Variants in LOXL2 observed in about 807,000 individuals in gnomAD.
LOXL2 encodes lysyl oxidase homolog 2.
LOXL2 carries 70 observed loss-of-function variants against 93.0 expected under a neutral mutation model. The observed-to-expected ratio is 0.75, with a 90% CI of 0.62 to 0.92. The LOEUF (loss-of-function observed/expected upper bound fraction) is 0.92, where lower values mean the gene tolerates loss of function less well. Ranked by LOEUF, LOXL2 falls within the 40% of genes least tolerant of loss-of-function variation. The pLI is 0.00. For missense variants in LOXL2, 973 were observed against 1,054.9 expected (o/e 0.92, Z 1.08); for synonymous variants, 438 against 413.2 (o/e 1.06, Z -0.73).
chr8:23,330,768 C>T (rs1054249971), intron 5 of LOXL2, among the ~76,000 whole-genome samples: 1 of 150,322 alleles, frequency 6.7e-6, no homozygotes. Flanking sequence ...AAGGATGTGG[C>T]CATCAAATCA....
chr8:23,310,658 A>C (rs555216113), intron 9 of LOXL2, among the ~76,000 whole-genome samples: 77 of 152,360 alleles, frequency 5.1e-4, no homozygotes, highest in Non-Finnish European at 1.1e-3. Flanking sequence ...TGTAAGTGAA[A>C]GTGCTAGGAG....
chr8:23,371,383 G>C (rs1804489854), intron 1 of LOXL2, among the ~76,000 whole-genome samples: 1 of 152,198 alleles, frequency 6.6e-6, no homozygotes, highest in Non-Finnish European at 1.5e-5. Flanking sequence ...AATGATGTAG[G>C]TAAATCTCAA....
intron 4 of LOXL2, among the ~76,000 whole-genome samples, chr8:23,334,491 A>G (rs1803758293): frequency 6.6e-6 from 1 of 152,346 alleles, no homozygotes; most frequent in Middle Eastern, 3.4e-3. Context: ...TCAAAGTACA[A>G]TCTGCCTAGC....
At chr8:23,332,263 C>A (rs1195106391) in intron 5 of LOXL2, among the ~76,000 whole-genome samples, 1 of 67,462 alleles carries the variant, frequency 1.5e-5, no homozygotes, top group Non-Finnish European at 3.1e-5. Context: ...ATACACACCA[C>A]CCACACATAC....
In LOXL2 at chr8:23,297,767, C is replaced by A. The variant is rs957746125; in HGVS notation, c.*276G>T. ...GACAACCTGTCTGTGGGCCTCATCC[C>A]GGTCAAGACTGGCTCTTGGTGCTGC... On this transcript the variant is annotated 3_prime_UTR_variant, in exon 14 of 14. Transcript: ENST00000389131. 3 of 378,098 alleles carry A rather than the reference C, an allele frequency of 7.9e-6. No individual in the cohort carries two copies. Among genetic ancestry groups the A allele is most frequent in the African/African-American group, 4.1e-5 (2 of 48,800 alleles). The allele number at this position is 378,098 out of a possible 1,614,324, so 23.4% of individuals were successfully genotyped here.
chr8:23,399,951 GT>G (rs1223374142), intron 1 of LOXL2, among the ~76,000 whole-genome samples: 1 of 152,204 alleles, frequency 6.6e-6, no homozygotes, highest in Non-Finnish European at 1.5e-5. Flanking sequence ...GGGTTGACCA[GT>G]TTCTCTGCCT....
intron 9 of LOXL2, among the ~76,000 whole-genome samples, chr8:23,313,238 T>C (rs1803344517): frequency 6.6e-6 from 1 of 152,054 alleles, no homozygotes; most frequent in African/African-American, 2.4e-5. Flanking sequence ...AATTTACAGA[T>C]TCAATGCCAT....
intron 5 of LOXL2, among the ~76,000 whole-genome samples, chr8:23,329,570 A>C (rs1345969828): frequency 6.6e-6 from 1 of 151,382 alleles, no homozygotes; most frequent in Non-Finnish European, 1.5e-5. Context: ...ACCTGCATGC[A>C]TGCTGCATGT....
rs767095447 is a variant in LOXL2 at position 23,316,944 on chromosome 8, C to T, written c.1636+5G>A. ...CCGGTGGGGAGGGAGGGGAGGAGCT[C>T]TCACTTTCTGAGCAGGCAACTCCGG... On this transcript the variant is annotated splice_donor_5th_base_variant and intron_variant, in intron 9 of 13. Transcript: ENST00000389131. 1 of 1,582,456 alleles carries T rather than the reference C, an allele frequency of 6.3e-7. No individual in the cohort carries two copies. The highest frequency in any genetic ancestry group is 1.4e-5 in the African/African-American group (1 of 73,616).
intron 8 of LOXL2, among the ~76,000 whole-genome samples, chr8:23,319,105 G>T (rs1803452768): frequency 1.3e-5 from 2 of 152,234 alleles, no homozygotes; most frequent in Admixed American, 1.3e-4. Context: ...GCTGCTTAAT[G>T]GAAGTGTTTA....
At chr8:23,316,526 C>T (rs1427019857) in intron 9 of LOXL2, among the ~76,000 whole-genome samples, 2 of 151,978 alleles carry the variant, frequency 1.3e-5, no homozygotes, top group African/African-American at 2.4e-5. Context: ...GGACTCCCAG[C>T]GAACTACCGG....
chr8:23,371,154 T>C (rs144635201), intron 1 of LOXL2: 3 of 152,180 alleles, frequency 2.0e-5, no homozygotes, highest in Non-Finnish European at 4.4e-5. Context: ...CAGCGCAACA[T>C]TTTCAAAGGG....
intron 2 of LOXL2, among the ~76,000 whole-genome samples, chr8:23,361,786 G>A (rs539684826): frequency 5.3e-5 from 8 of 152,276 alleles, no homozygotes; most frequent in African/African-American, 1.9e-4. Context: ...GTTGCAGTGA[G>A]CTGAGATCAC....
rs541637355 is a variant in LOXL2, at chr8:23,367,548, G to A, written c.355+449C>T. 5.9e-5 allele frequency among the ~76,000 whole-genome samples: 9 copies of A among 152,228 alleles called. No individual in the cohort carries two copies. The South Asian group carries it at 1.9e-3, about 32-fold the overall frequency. On this transcript the variant is annotated intron_variant, in intron 2 of 13. Coordinates refer to ENST00000389131, the MANE Select transcript of LOXL2 (RefSeq NM_002318.3). ...CGTCAGGGAGCTCCAGCATGTGGGA[G>A]CCATTGTGAGGAAGAGCAAGAGGCT...
intron 6 of LOXL2, among the ~76,000 whole-genome samples, chr8:23,325,314 CAG>C (rs1395557905): frequency 6.6e-6 from 1 of 152,122 alleles, no homozygotes; most frequent in African/African-American, 2.4e-5. Flanking sequence ...TTTTGAGAGA[CAG>C]AGTCTCGCTA....
intron 1 of LOXL2, among the ~76,000 whole-genome samples, chr8:23,387,238 T>C (rs1003181128): frequency 2.0e-5 from 3 of 152,332 alleles, no homozygotes; most frequent in Admixed American, 2.0e-4. Flanking sequence ...ATGCAGTCCA[T>C]TCAAGGTTAC....
chr8:23,323,002 T>C (rs1803519816), intron 6 of LOXL2, among the ~76,000 whole-genome samples: 2 of 152,186 alleles, frequency 1.3e-5, no homozygotes, highest in Non-Finnish European at 2.9e-5. Context: ...AGGAGGGCCC[T>C]CGACTCTGCC....
At chr8:23,349,300 G>A (rs748971319) in intron 3 of LOXL2, among the ~76,000 whole-genome samples, 4 of 152,096 alleles carry the variant, frequency 2.6e-5, no homozygotes, top group Non-Finnish European at 5.9e-5. Flanking sequence ...CAAGGGTCTC[G>A]CTCAGATCTT....
chr8:23,359,986 C>T, intron 3 of LOXL2, 104 bp downstream of exon 3: 1 of 1,086,920 alleles, frequency 9.2e-7, no homozygotes, highest in South Asian at 1.5e-5. Context: ...GAGGTACCCT[C>T]CTTCCTGCTC....
Sources: allele counts gnomAD v4.1 joint callset (sites outside exome capture counted in the v4.1 genomes callset), GRCh38; gene constraint gnomAD v4.1.1; transcripts MANE v1.5; gene names NCBI Gene and HGNC (gene_info 2026-07-23, HGNC 2026-07-21).